KCNMA1: variants seen among roughly 807,000 people sequenced by gnomAD.
KCNMA1 encodes the protein potassium calcium-activated channel subfamily M alpha 1.
A neutral mutation model predicts 140.0 loss-of-function variants in KCNMA1; 29 were observed. That is an observed-to-expected ratio of 0.21 (90% CI 0.15 to 0.28). KCNMA1 has a LOEUF of 0.28. KCNMA1 is among the 10% of genes least tolerant of loss of function. The pLI is 1.00. For missense variants in KCNMA1, 880 were observed against 1,602.2 expected (o/e 0.55, Z 7.70); for synonymous variants, 612 against 611.9 (o/e 1.00, Z 0.00).
intron 1 of KCNMA1, among the ~76,000 whole-genome samples, chr10:77,599,358 G>A (rs981558961): frequency 8.6e-5 from 13 of 152,004 alleles, no homozygotes; most frequent in African/African-American, 1.9e-4. Context: ...TTATACATTC[G>A]GAGTCTACGA....
At chr10:77,412,106 G>A (rs2096632959) in intron 1 of KCNMA1, among the ~76,000 whole-genome samples, 1 of 152,172 alleles carries the variant, frequency 6.6e-6, no homozygotes, top group African/African-American at 2.4e-5. Context: ...TAGCCCTTTT[G>A]GGACCAGAGT....
At chr10:77,599,476 C>G (rs1429561076) in intron 1 of KCNMA1, among the ~76,000 whole-genome samples, 2 of 152,238 alleles carry the variant, frequency 1.3e-5, no homozygotes, top group East Asian at 3.9e-4. Flanking sequence ...TGCGCTGGCT[C>G]TGACCTAGGG....
At chr10:77,005,177 A>G (rs1203735654) in intron 18 of KCNMA1, among the ~76,000 whole-genome samples, 1 of 152,170 alleles carries the variant, frequency 6.6e-6, no homozygotes, top group African/African-American at 2.4e-5. Flanking sequence ...AGTTGGAACT[A>G]GCCTTTCTCC....
chr10:77,224,242 G>A (rs2050596358), intron 3 of KCNMA1, among the ~76,000 whole-genome samples: 1 of 152,162 alleles, frequency 6.6e-6, no homozygotes, highest in Admixed American at 6.5e-5. Context: ...TGTGACCTAG[G>A]CCCATGGCCC....
At chr10:76,914,889 T>C (rs2052105673) in intron 24 of KCNMA1, 47 bp downstream of exon 24, 1 of 1,344,556 alleles carries the variant, frequency 7.4e-7, no homozygotes, top group Admixed American at 1.7e-5. Context: ...CTGTATGGTT[T>C]GAAAGACAGA....
At chr10:76,927,399 G>T (rs577812941) in intron 23 of KCNMA1, among the ~76,000 whole-genome samples, 1 of 152,296 alleles carries the variant, frequency 6.6e-6, no homozygotes, top group Non-Finnish European at 1.5e-5. Context: ...AGTACATAAC[G>T]ATGGGACTCT....
chr10:77,182,490 C>G (rs781145603), intron 5 of KCNMA1, among the ~76,000 whole-genome samples: 1 of 152,170 alleles, frequency 6.6e-6, no homozygotes, highest in Non-Finnish European at 1.5e-5. Flanking sequence ...ATGTGAAGGC[C>G]TGGGAACCGT....
intron 1 of KCNMA1, among the ~76,000 whole-genome samples, chr10:77,432,382 T>C (rs573343246): frequency 6.6e-6 from 1 of 152,210 alleles, no homozygotes. Flanking sequence ...CAAGCAGTCA[T>C]CCTGCTTCTC....
downstream of KCNMA1, among the ~76,000 whole-genome samples, chr10:76,882,631 ACT>A (rs2035135121): frequency 2.6e-5 from 4 of 152,242 alleles, no homozygotes; most frequent in South Asian, 8.3e-4. Context: ...GGCTACCATG[ACT>A]CTGTCTCTTT....
chr10:77,505,648 A>T (rs2045555074), intron 1 of KCNMA1, among the ~76,000 whole-genome samples: 1 of 152,248 alleles, frequency 6.6e-6, no homozygotes. Flanking sequence ...ATGAACTCCC[A>T]CATAAGGCAG....
intron 5 of KCNMA1, among the ~76,000 whole-genome samples, chr10:77,181,745 C>G (rs2098804318): frequency 6.6e-6 from 1 of 152,026 alleles, no homozygotes; most frequent in African/African-American, 2.4e-5. Context: ...AAGGAGGAAT[C>G]AGGATACGAT....
chr10:77,298,934 G>T (rs925552216), intron 2 of KCNMA1, among the ~76,000 whole-genome samples: 5 of 152,220 alleles, frequency 3.3e-5, no homozygotes, highest in African/African-American at 1.2e-4. Flanking sequence ...CATGGGACCT[G>T]CGCCCCAGAG....
At chr10:77,502,248 T>C (rs1375172900) in intron 1 of KCNMA1, among the ~76,000 whole-genome samples, 1 of 152,198 alleles carries the variant, frequency 6.6e-6, no homozygotes, top group Non-Finnish European at 1.5e-5. Context: ...ACACCAGAAA[T>C]GCCTTTTCTT....
chr10:77,039,474 G>A (rs1304182807), intron 15 of KCNMA1, 54 bp downstream of exon 15: 2 of 1,032,022 alleles, frequency 1.9e-6, no homozygotes, highest in Non-Finnish European at 3.1e-6. Flanking sequence ...TCCTTGCAAG[G>A]GGCACATTCA....
chr10:77,494,453 C>A (rs909850923), intron 1 of KCNMA1, among the ~76,000 whole-genome samples: 1 of 152,216 alleles, frequency 6.6e-6, no homozygotes, highest in Non-Finnish European at 1.5e-5. Context: ...AGGGGCTGGA[C>A]AAACGGGCAC....
chr10:77,528,723 T>C (rs2056707251), intron 1 of KCNMA1, among the ~76,000 whole-genome samples: 1 of 152,046 alleles, frequency 6.6e-6, no homozygotes, highest in Non-Finnish European at 1.5e-5. Context: ...CATCAACTGA[T>C]GTATGAATAA....
chr10:76,935,926 C>A (rs1467676308), intron 23 of KCNMA1, among the ~76,000 whole-genome samples: 1 of 152,182 alleles, frequency 6.6e-6, no homozygotes, highest in Non-Finnish European at 1.5e-5. Context: ...GGGCATAAAA[C>A]CCTCCATGAG....
intron 1 of KCNMA1, among the ~76,000 whole-genome samples, chr10:77,487,329 C>T (rs1475658869): frequency 6.6e-6 from 1 of 152,170 alleles, no homozygotes; most frequent in Admixed American, 6.5e-5. Context: ...ACCTCAGCCT[C>T]TCCCCTTAGA....
chr10:77,263,558 T>C (rs2154269178), intron 2 of KCNMA1, among the ~76,000 whole-genome samples: 1 of 152,246 alleles, frequency 6.6e-6, no homozygotes. Context: ...AAAGCACCCC[T>C]AGAAATAACA....
Sources: allele counts gnomAD v4.1 joint callset (sites outside exome capture counted in the v4.1 genomes callset), GRCh38; gene constraint gnomAD v4.1.1; transcripts MANE v1.5; gene names NCBI Gene and HGNC (gene_info 2026-07-23, HGNC 2026-07-21).